UBP1: variants seen among roughly 807,000 people sequenced by gnomAD.
The protein encoded by UBP1 is upstream-binding protein 1.
Under a neutral mutation model 76.1 loss-of-function variants are expected in UBP1, and 22 were observed. The ratio of observed to expected loss-of-function variants is 0.29; its 90% confidence interval spans 0.21 to 0.41. The LOEUF (loss-of-function observed/expected upper bound fraction) is 0.41, where lower values mean the gene tolerates loss of function less well. Among genes scored for constraint, UBP1 ranks in the 10% least tolerant of loss-of-function variants. UBP1 has a pLI of 1.00. For missense variants in UBP1, 436 were observed against 668.1 expected, an observed-to-expected ratio of 0.65 and a Z score of 3.83; for synonymous variants, 224 against 237.1, an observed-to-expected ratio of 0.94 and a Z score of 0.51.
chr3:33,426,158 T>C (rs2045014437), intron 1 of UBP1, among the ~76,000 whole-genome samples: 1 of 151,374 alleles, frequency 6.6e-6, no homozygotes, highest in Non-Finnish European at 1.5e-5. Context: ...CTGCCAAAGG[T>C]AGGTCACACT....
At chr3:33,420,348 CAG>C (rs2044855141) in intron 2 of UBP1, among the ~76,000 whole-genome samples, 1 of 152,116 alleles carries the variant, frequency 6.6e-6, no homozygotes, top group Non-Finnish European at 1.5e-5. Context: ...TTTTTTGAGA[CAG>C]AGTCTCACTC....
chr3:33,400,803 A>G (rs1158435595), intron 10 of UBP1, among the ~76,000 whole-genome samples, 159 bp downstream of exon 10: 1 of 152,146 alleles, frequency 6.6e-6, no homozygotes, highest in Non-Finnish European at 1.5e-5. Context: ...AATGTACTCT[A>G]CTCAGGTGAT....
At position 33,400,976 on chromosome 3, in the gene UBP1, G is replaced by C. The variant is rs745577175; in HGVS notation, c.1072C>G (p.Gln358Glu). 3.1e-6 allele frequency: 5 copies of C among 1,596,190 alleles called. No homozygotes were observed. The highest frequency in any genetic ancestry group is 4.3e-6 in the Non-Finnish European group (5 of 1,173,846). The change falls in exon 10 of 16, where the codon CAG becomes GAG. Residue 358 changes from glutamine (Q) to glutamate (E), a missense_variant. Transcript: ENST00000283629. ...SPNHQGDGAS[Q>E]TSGEQIQPSA... Reference sequence around the variant, plus strand: ...AAGATACTTACTTCACCAGAGGTCTGTGAAGCTCCATCTCCCTGATGATTT... The same window carrying C: ...AAGATACTTACTTCACCAGAGGTCTCTGAAGCTCCATCTCCCTGATGATTT...
intron 2 of UBP1, among the ~76,000 whole-genome samples, chr3:33,420,108 G>C (rs146135372): frequency 2.0e-5 from 3 of 152,236 alleles, no homozygotes; most frequent in Non-Finnish European, 2.9e-5. Context: ...CCCAAGATGT[G>C]ACAGCCCCCA....
chr3:33,437,412 C>T (rs1350181669), intron 1 of UBP1, among the ~76,000 whole-genome samples: 1 of 152,152 alleles, frequency 6.6e-6, no homozygotes, highest in Non-Finnish European at 1.5e-5. Context: ...AAACATCACA[C>T]CTGCCTAATT....
intron 1 of UBP1, among the ~76,000 whole-genome samples, chr3:33,431,909 A>G (rs2154059779): frequency 6.6e-6 from 1 of 152,322 alleles, no homozygotes; most frequent in South Asian, 2.1e-4. Context: ...GGTATAAACT[A>G]CAGAGCAGCA....
At chr3:33,438,740 T>TA (rs1292640753) in intron 1 of UBP1, among the ~76,000 whole-genome samples, 11 of 152,274 alleles carry the variant, frequency 7.2e-5, no homozygotes, top group African/African-American at 2.4e-4. Context: ...AAGACCCAAT[T>TA]ACTTCAAGGA....
intron 13 of UBP1, among the ~76,000 whole-genome samples, chr3:33,395,753 A>G (rs1383950878): frequency 2.6e-5 from 3 of 114,562 alleles, no homozygotes; most frequent in Admixed American, 2.1e-4. Flanking sequence ...GAAAATTGAA[A>G]AAAAAAAAAA....
intron 2 of UBP1, among the ~76,000 whole-genome samples, chr3:33,422,698 C>A (rs1202500671): frequency 7.7e-6 from 1 of 130,104 alleles, no homozygotes; most frequent in African/African-American, 3.0e-5. Context: ...ACACTCCAGT[C>A]TGGGTGACAG....
intron 1 of UBP1, among the ~76,000 whole-genome samples, chr3:33,426,081 TTTCTA>T (rs1401660728): frequency 6.9e-6 from 1 of 144,470 alleles, no homozygotes; most frequent in African/African-American, 2.6e-5. Context: ...GTCCAGATTC[TTTCTA>T]TAAAAAAAAA....
At chr3:33,431,564 T>C (rs1033316889) in intron 1 of UBP1, among the ~76,000 whole-genome samples, 4 of 151,820 alleles carry the variant, frequency 2.6e-5, no homozygotes, top group Non-Finnish European at 4.4e-5. Context: ...GGTGAAACCC[T>C]GTCTCTACTA....
At chr3:33,411,792 A>T in intron 4 of UBP1, 105 bp from the exon 5 acceptor site, 1 of 892,676 alleles carries the variant, frequency 1.1e-6, no homozygotes. Flanking sequence ...ACTGCTTTGA[A>T]CTCTGTCTTT....
At chr3:33,435,122 A>G (rs2045184605) in intron 1 of UBP1, among the ~76,000 whole-genome samples, 1 of 152,240 alleles carries the variant, frequency 6.6e-6, no homozygotes, top group Non-Finnish European at 1.5e-5. Flanking sequence ...AAATTTTAAA[A>G]TGTGGACACT....
intron 1 of UBP1, among the ~76,000 whole-genome samples, chr3:33,426,644 G>A (rs1269421626): frequency 1.3e-5 from 2 of 152,028 alleles, no homozygotes; most frequent in African/African-American, 4.8e-5. Flanking sequence ...CTATCTCTAC[G>A]GATTTGCTAT....
intron 3 of UBP1, among the ~76,000 whole-genome samples, chr3:33,413,816 G>A (rs1292886764): frequency 6.6e-6 from 1 of 152,002 alleles, no homozygotes; most frequent in Non-Finnish European, 1.5e-5. Flanking sequence ...CAATTACCCA[G>A]CACCCACTTC....
chr3:33,422,794 C>G (rs1245851413), intron 2 of UBP1, among the ~76,000 whole-genome samples: 1 of 147,466 alleles, frequency 6.8e-6, no homozygotes, highest in Non-Finnish European at 1.5e-5. Context: ...AGAAAGGGAG[C>G]AGAAAAAGAA....
At chr3:33,401,104 T>C in intron 9 of UBP1, 88 bp from the exon 10 acceptor site, 1 of 1,270,354 alleles carries the variant, frequency 7.9e-7, no homozygotes, top group Non-Finnish European at 1.1e-6. Context: ...GCATTGTAAC[T>C]ATGCAAATTT....
chr3:33,421,475 G>A (rs567323715), intron 2 of UBP1, among the ~76,000 whole-genome samples: 1 of 152,242 alleles, frequency 6.6e-6, no homozygotes, highest in South Asian at 2.1e-4. Flanking sequence ...TCACCACATT[G>A]GCCAGGCTGG....
intron 3 of UBP1, chr3:33,415,868 T>G (rs907429031): frequency 6.6e-6 from 1 of 152,190 alleles, no homozygotes; most frequent in South Asian, 2.1e-4. Context: ...AACCCATCAT[T>G]TGATCCCTAA....
Sources: allele counts gnomAD v4.1 joint callset (sites outside exome capture counted in the v4.1 genomes callset), GRCh38; gene constraint gnomAD v4.1.1; transcripts MANE v1.5; gene names NCBI Gene and HGNC (gene_info 2026-07-23, HGNC 2026-07-21).